CNTNAP2: variants seen among roughly 807,000 people sequenced by gnomAD.
CNTNAP2 encodes the protein contactin associated protein 2.
In CNTNAP2, 98 loss-of-function variants were observed where a neutral mutation model predicts 155.2. The observed-to-expected ratio is 0.63, with a 90% CI of 0.54 to 0.75. CNTNAP2 has a LOEUF of 0.75. Ranked by LOEUF, CNTNAP2 falls within the 30% of genes least tolerant of loss-of-function variation. The pLI, the probability that CNTNAP2 is intolerant of heterozygous loss-of-function variation, is 0.00. For synonymous variants in CNTNAP2, 651 were observed against 631.2 expected (o/e 1.03, Z -0.47); for missense variants, 1,727 against 1,688.1 (o/e 1.02, Z -0.40).
intron 2 of CNTNAP2, among the ~76,000 whole-genome samples, chr7:146,837,570 C>T (rs987695685): frequency 2.0e-5 from 3 of 151,956 alleles, no homozygotes; most frequent in African/African-American, 7.3e-5. Flanking sequence ...TTTTTTCTCT[C>T]TGGTTCTAAG....
At chr7:148,066,145 G>A (rs1342270241) in intron 15 of CNTNAP2, among the ~76,000 whole-genome samples, 1 of 152,222 alleles carries the variant, frequency 6.6e-6, no homozygotes, top group Admixed American at 6.5e-5. Context: ...TTTCTGCCGA[G>A]AAATCTGCTG....
At chr7:147,593,903 C>A (rs118127517) in intron 12 of CNTNAP2, among the ~76,000 whole-genome samples, 4,235 of 152,260 alleles carry the variant, frequency 0.028, 77 homozygotes, top group Non-Finnish European at 0.044. Flanking sequence ...TAGTATAAAA[C>A]AGGCTCTCTC....
rs181442517 is a variant in CNTNAP2 at position 147,529,502 on chromosome 7, T to G, written c.1778-32636T>G. Among the ~76,000 whole-genome samples the G allele has an allele frequency of 7.0e-4, 106 of 152,286 alleles. 1 individual carries two copies. In the Middle Eastern group the frequency reaches 0.017, roughly 24 times the overall value. On this transcript the variant is annotated intron_variant, in intron 11 of 23. Coordinates refer to ENST00000361727, the MANE Select transcript of CNTNAP2 (RefSeq NM_014141.6). ...CATAACACTGTGGCTTTTTGAGAAT[T>G]ATTTCACAGCCTATTTCCAGAGCAA...
At chr7:146,144,022 G>A (rs7805261) in intron 1 of CNTNAP2, among the ~76,000 whole-genome samples, 46,599 of 151,940 alleles carry the variant, frequency 0.31, 8,481 homozygotes, top group African/African-American at 0.5. Context: ...TCGGCCTCCC[G>A]ATATGCTAGG....
chr7:147,664,095 T>A (rs561638535), intron 13 of CNTNAP2, among the ~76,000 whole-genome samples: 1 of 152,338 alleles, frequency 6.6e-6, no homozygotes, highest in Admixed American at 6.5e-5. Flanking sequence ...TTGTTATGGC[T>A]TCCATCACTA....
intron 1 of CNTNAP2, among the ~76,000 whole-genome samples, chr7:146,598,216 T>C (rs960638838): frequency 2.0e-5 from 3 of 152,146 alleles, no homozygotes; most frequent in African/African-American, 7.2e-5. Context: ...AAACTCCAGA[T>C]GTCAACACAG....
chr7:146,125,372 C>T (rs1334681431), intron 1 of CNTNAP2, among the ~76,000 whole-genome samples: 2 of 151,782 alleles, frequency 1.3e-5, no homozygotes, highest in African/African-American at 2.4e-5. Flanking sequence ...GTCAGGAGAT[C>T]GAGAACATCC....
At chr7:148,118,697 A>G (rs997623667) in intron 16 of CNTNAP2, among the ~76,000 whole-genome samples, 1 of 152,182 alleles carries the variant, frequency 6.6e-6, no homozygotes, top group Non-Finnish European at 1.5e-5. Context: ...GACAGGAATG[A>G]TAACTAGTGA....
At chr7:147,793,910 T>C (rs1024925353) in intron 13 of CNTNAP2, among the ~76,000 whole-genome samples, 1 of 152,146 alleles carries the variant, frequency 6.6e-6, no homozygotes. Flanking sequence ...CAGTATTTTA[T>C]TATCTTTGAT....
intron 16 of CNTNAP2, among the ~76,000 whole-genome samples, chr7:148,122,304 A>G (rs889955911): frequency 5.3e-5 from 8 of 152,218 alleles, no homozygotes; most frequent in Non-Finnish European, 1.5e-5. Flanking sequence ...ACAGATAGCA[A>G]GAAAGAGGCC....
chr7:147,232,305 CG>C (rs1333888032), intron 8 of CNTNAP2, among the ~76,000 whole-genome samples: 1 of 152,170 alleles, frequency 6.6e-6, no homozygotes, highest in Non-Finnish European at 1.5e-5. Context: ...GCGTTTTTCA[CG>C]GAAATGCCGT....
intron 13 of CNTNAP2, among the ~76,000 whole-genome samples, chr7:147,657,813 C>A (rs1399901166): frequency 6.6e-6 from 1 of 152,188 alleles, no homozygotes. Context: ...GAGATTTTAT[C>A]TGAAGCAACT....
intron 3 of CNTNAP2, among the ~76,000 whole-genome samples, chr7:147,040,245 A>T: frequency 6.6e-6 from 1 of 152,206 alleles, no homozygotes; most frequent in East Asian, 1.9e-4. Context: ...CTCTGTCTAC[A>T]TTGTTGATTT....
rs78283788 is a variant in CNTNAP2 at position 146,860,036 on chromosome 7, A to C, written c.402+20132A>C. On this transcript the variant is annotated intron_variant, in intron 3 of 23. Coordinates refer to ENST00000361727, the MANE Select transcript of CNTNAP2 (RefSeq NM_014141.6). ...GTGGGTTCAGCTCAAAATGTGAAAC[A>C]AGATTTTAAATAGAGTGGTAAAAAC... 9.5e-3 allele frequency among the ~76,000 whole-genome samples: 1,445 copies of C among 152,352 alleles called. 15 individuals are homozygous for C. The highest frequency in any genetic ancestry group is 0.016 in the Non-Finnish European group (1,068 of 68,030).
chr7:147,125,074 G>T (rs1801206140), intron 6 of CNTNAP2, among the ~76,000 whole-genome samples: 1 of 151,676 alleles, frequency 6.6e-6, no homozygotes, highest in Non-Finnish European at 1.5e-5. Flanking sequence ...TAGAGATGGG[G>T]TTTCACTGTG....
chr7:147,860,408 A>G (rs1410640561), intron 13 of CNTNAP2, among the ~76,000 whole-genome samples: 10 of 152,050 alleles, frequency 6.6e-5, no homozygotes, highest in African/African-American at 2.4e-4. Flanking sequence ...TGGGCAACAG[A>G]GTGAGACTCC....
chr7:146,163,468 T>C, intron 1 of CNTNAP2, among the ~76,000 whole-genome samples: 2 of 147,100 alleles, frequency 1.4e-5, no homozygotes, highest in South Asian at 4.2e-4. Flanking sequence ...TCACATTATA[T>C]ATATCTATAT....
chr7:146,748,901 A>G (rs1157238035), intron 1 of CNTNAP2, among the ~76,000 whole-genome samples: 1 of 152,206 alleles, frequency 6.6e-6, no homozygotes. Context: ...TACTGTAAGC[A>G]TTTATACAAC....
chr7:146,457,929 A>G (rs1401068913), intron 1 of CNTNAP2, among the ~76,000 whole-genome samples: 1 of 152,198 alleles, frequency 6.6e-6, no homozygotes, highest in Non-Finnish European at 1.5e-5. Context: ...TCACTCAACA[A>G]TGAGTTACTG....
Sources: allele counts gnomAD v4.1 joint callset (sites outside exome capture counted in the v4.1 genomes callset), GRCh38; gene constraint gnomAD v4.1.1; transcripts MANE v1.5; gene names NCBI Gene and HGNC (gene_info 2026-07-23, HGNC 2026-07-21).